ATF6: variants seen among roughly 807,000 people sequenced by gnomAD.
The protein encoded by ATF6 is activating transcription factor 6.
A neutral mutation model predicts 83.6 loss-of-function variants in ATF6; 53 were observed. The observed-to-expected ratio is 0.63, with a 90% CI of 0.51 to 0.80. ATF6 has a LOEUF of 0.80. Ranked by LOEUF, ATF6 falls within the 30% of genes least tolerant of loss-of-function variation. ATF6 has a pLI of 0.00. For missense variants in ATF6, 744 were observed against 797.9 expected, an observed-to-expected ratio of 0.93 and a Z score of 0.81; for synonymous variants, 288 against 285.8, an observed-to-expected ratio of 1.01 and a Z score of -0.08.
intron 9 of ATF6, among the ~76,000 whole-genome samples, chr1:161,831,336 C>T (rs1324763472): frequency 1.3e-5 from 2 of 152,194 alleles, no homozygotes; most frequent in Non-Finnish European, 2.9e-5. Flanking sequence ...AACACTTTTA[C>T]ACTGTTGGTG....
intron 10 of ATF6, among the ~76,000 whole-genome samples, chr1:161,849,217 A>G (rs561882796): frequency 2.0e-5 from 3 of 152,172 alleles, no homozygotes; most frequent in South Asian, 2.1e-4. Flanking sequence ...TTCTCACTCA[A>G]TGCTTCATTT....
At chr1:161,946,258 G>A (rs937523413) in intron 15 of ATF6, among the ~76,000 whole-genome samples, 21 of 152,172 alleles carry the variant, frequency 1.4e-4, no homozygotes, top group African/African-American at 5.1e-4. Flanking sequence ...GCCTCCCGAA[G>A]TGCTGGGATT....
chr1:161,856,877 CTT>C (rs966040464), intron 12 of ATF6, among the ~76,000 whole-genome samples: 65 of 152,132 alleles, frequency 4.3e-4, no homozygotes, highest in African/African-American at 1.5e-3. Context: ...ATTTTACTGT[CTT>C]TGTTCATTTG....
Position 161,766,378 on chromosome 1 carries a change from G to A in ATF6, c.18G>A (p.Gly6=), listed in dbSNP as rs1213671056. The change falls in exon 1 of 16, where the codon GGG becomes GGA. Residue 6 remains glycine, a synonymous_variant. Coordinates refer to ENST00000367942, the MANE Select transcript of ATF6 (RefSeq NM_007348.4). Reference sequence around the variant, plus strand: ...CTTGTGAAATGGGGGAGCCGGCTGGGGTTGCCGGCACCATGGAGTCACCTT... The same window carrying A: ...CTTGTGAAATGGGGGAGCCGGCTGGAGTTGCCGGCACCATGGAGTCACCTT... The part of the protein sequence containing the change: MGEPA[G]VAGTMESPFS... 1.9e-6 allele frequency: 3 copies of A among 1,612,920 alleles called. No individual in the cohort carries two copies. The Admixed American group carries it at 5.0e-5, about 27-fold the overall frequency.
At chr1:161,768,766 G>A (rs942041430) in intron 1 of ATF6, among the ~76,000 whole-genome samples, 1 of 152,002 alleles carries the variant, frequency 6.6e-6, no homozygotes, top group East Asian at 1.9e-4. Context: ...TAGAGACAGG[G>A]GTCTTGCTGT....
rs561926261 is a variant in ATF6 at position 161,888,036 on chromosome 1, G to A, written c.1720-24260G>A. ...GTCTATGAGGGAAGAAAAATTAGGG[G>A]CTGTTATTTTCCTATCAACCATCAC... On this transcript the variant is annotated intron_variant, in intron 14 of 15. Transcript: ENST00000367942. Among the ~76,000 whole-genome samples, 11 of 152,246 alleles carry A rather than the reference G, an allele frequency of 7.2e-5. No homozygotes were observed. In the South Asian group the frequency reaches 1.0e-3, roughly 14 times the overall value.
intron 14 of ATF6, among the ~76,000 whole-genome samples, chr1:161,893,466 A>G (rs1401724392): frequency 6.6e-6 from 1 of 152,184 alleles, no homozygotes; most frequent in Non-Finnish European, 1.5e-5. Flanking sequence ...GCGCCCCGCC[A>G]CGGAAACTTT....
At chr1:161,796,458 TG>T (rs1451198907) in intron 6 of ATF6, among the ~76,000 whole-genome samples, 1 of 152,194 alleles carries the variant, frequency 6.6e-6, no homozygotes, top group Non-Finnish European at 1.5e-5. Context: ...TTGTGGACCC[TG>T]GGATGTGGGT....
Position 161,819,603 on chromosome 1 carries a change from G to C in ATF6, c.910-30G>C, listed in dbSNP as rs781596730. On this transcript the variant is annotated intron_variant, in intron 7 of 15. Transcript: ENST00000367942. The stretch of plus-strand genomic sequence containing the variant: ...TATTTTGATCTGATTTTAAAACCAG[G>C]GTATTCTGATTCATTATAACTTTTT... 2.0e-6 allele frequency: 3 copies of C among 1,496,842 alleles called. No individual in the cohort carries two copies. The South Asian group carries it at 4.2e-5, about 21-fold the overall frequency. The allele number at this position is 1,496,842 out of a possible 1,614,324, so 92.7% of individuals were successfully genotyped here.
chr1:161,953,424 C>T (rs1688906735), intron 15 of ATF6, among the ~76,000 whole-genome samples: 1 of 152,154 alleles, frequency 6.6e-6, no homozygotes, highest in Admixed American at 6.6e-5. Context: ...GAGGCCTATA[C>T]ATTTGTTTTG....
At chr1:161,874,457 T>C (rs1433149004) in intron 14 of ATF6, among the ~76,000 whole-genome samples, 1 of 151,678 alleles carries the variant, frequency 6.6e-6, no homozygotes, top group East Asian at 1.9e-4. Context: ...TGCCCTAAAA[T>C]AAATCTTGAA....
chr1:161,879,680 G>A (rs1300164546), intron 14 of ATF6, among the ~76,000 whole-genome samples: 2 of 151,968 alleles, frequency 1.3e-5, no homozygotes, highest in Non-Finnish European at 2.9e-5. Flanking sequence ...ATTCTAGAAG[G>A]TATGATAGTC....
intron 10 of ATF6, among the ~76,000 whole-genome samples, chr1:161,851,171 C>CACACA (rs1557994861): frequency 2.9e-4 from 41 of 140,512 alleles, no homozygotes; most frequent in South Asian, 6.9e-4. Flanking sequence ...CACACACACA[C>CACACA]CCCTACCTGT....
At chr1:161,925,137 T>C (rs968596432) in intron 15 of ATF6, among the ~76,000 whole-genome samples, 1 of 152,204 alleles carries the variant, frequency 6.6e-6, no homozygotes, top group African/African-American at 2.4e-5. Context: ...CCTTCCGGTT[T>C]TTGGAAGCTA....
intron 10 of ATF6, among the ~76,000 whole-genome samples, chr1:161,848,388 C>A (rs141789508): frequency 2.2e-3 from 335 of 151,716 alleles, no homozygotes; most frequent in African/African-American, 7.8e-3. Flanking sequence ...TTTTTTAATG[C>A]AGCTTACTTT....
intron 15 of ATF6, among the ~76,000 whole-genome samples, chr1:161,940,738 T>G (rs997144693): frequency 1.3e-5 from 2 of 152,006 alleles, no homozygotes; most frequent in African/African-American, 4.8e-5. Flanking sequence ...TTTTTTGTTT[T>G]TTTTTAGTAG....
At chr1:161,803,142 A>T (rs1685195689) in intron 7 of ATF6, among the ~76,000 whole-genome samples, 1 of 152,232 alleles carries the variant, frequency 6.6e-6, no homozygotes. Flanking sequence ...GTAATTTTAA[A>T]ATCCTGTGGG....
intron 15 of ATF6, among the ~76,000 whole-genome samples, chr1:161,940,643 C>T (rs1688623592): frequency 6.6e-6 from 1 of 151,276 alleles, no homozygotes; most frequent in African/African-American, 2.4e-5. Flanking sequence ...ACTGCAACCT[C>T]CGCCTCCCGG....
intron 12 of ATF6, among the ~76,000 whole-genome samples, chr1:161,858,718 T>C (rs1686816923): frequency 6.6e-6 from 1 of 152,208 alleles, no homozygotes; most frequent in Non-Finnish European, 1.5e-5. Flanking sequence ...CACATTTTTG[T>C]CAATTATGAT....
Sources: allele counts gnomAD v4.1 joint callset (sites outside exome capture counted in the v4.1 genomes callset), GRCh38; gene constraint gnomAD v4.1.1; transcripts MANE v1.5; gene names NCBI Gene and HGNC (gene_info 2026-07-23, HGNC 2026-07-21).